CNTNAP2: variants seen among roughly 807,000 people sequenced by gnomAD.
The protein encoded by CNTNAP2 is contactin-associated protein-like 2.
CNTNAP2 carries 98 observed loss-of-function variants against 155.2 expected under a neutral mutation model. That is an observed-to-expected ratio of 0.63 (90% CI 0.54 to 0.75). CNTNAP2 has a LOEUF of 0.75. CNTNAP2 is among the 30% of genes least tolerant of loss of function. The pLI is 0.00. For missense variants in CNTNAP2, 1,727 were observed against 1,688.1 expected (o/e 1.02, Z -0.40); for synonymous variants, 651 against 631.2 (o/e 1.03, Z -0.47).
At chr7:146,411,850 T>TTTTA (rs57711038) in intron 1 of CNTNAP2, among the ~76,000 whole-genome samples, 1 of 148,730 alleles carries the variant, frequency 6.7e-6, no homozygotes, top group African/African-American at 2.6e-5. Context: ...TTATTTATTT[T>TTTTA]ATTTGAGATA....
chr7:146,593,452 G>T (rs368268494), intron 1 of CNTNAP2, among the ~76,000 whole-genome samples: 19 of 152,178 alleles, frequency 1.2e-4, no homozygotes, highest in African/African-American at 4.1e-4. Flanking sequence ...TCTGAGAAAA[G>T]AATCTTAGCC....
intron 11 of CNTNAP2, among the ~76,000 whole-genome samples, chr7:147,530,777 A>G (rs867600207): frequency 6.6e-6 from 1 of 152,134 alleles, no homozygotes; most frequent in Non-Finnish European, 1.5e-5. Context: ...CCTTCCCAAT[A>G]GTCCCCCAAA....
intron 1 of CNTNAP2, among the ~76,000 whole-genome samples, chr7:146,430,841 A>G (rs1796163087): frequency 6.6e-6 from 1 of 152,052 alleles, no homozygotes; most frequent in South Asian, 2.1e-4. Flanking sequence ...AGAGCTTCAT[A>G]TGATCAAGAA....
chr7:147,712,645 CA>C (rs1796416140), intron 13 of CNTNAP2, among the ~76,000 whole-genome samples: 1 of 152,018 alleles, frequency 6.6e-6, no homozygotes, highest in East Asian at 1.9e-4. Context: ...ATCGCAAGGA[CA>C]AAAAACCAAA....
At chr7:147,347,492 G>A (rs1402064654) in intron 9 of CNTNAP2, among the ~76,000 whole-genome samples, 1 of 89,988 alleles carries the variant, frequency 1.1e-5, no homozygotes, top group Non-Finnish European at 2.5e-5. Context: ...ATATATATAT[G>A]CATATATATG....
At chr7:148,179,094 C>A (rs143721193) in intron 18 of CNTNAP2, among the ~76,000 whole-genome samples, 1 of 152,206 alleles carries the variant, frequency 6.6e-6, no homozygotes, top group East Asian at 1.9e-4. Context: ...CCCACCATAT[C>A]GGACTGGTTT....
chr7:147,630,062 A>T (rs1015051349), intron 12 of CNTNAP2, among the ~76,000 whole-genome samples: 1 of 151,362 alleles, frequency 6.6e-6, no homozygotes, highest in African/African-American at 2.4e-5. Flanking sequence ...AACATAATTG[A>T]TAGACCATTA....
chr7:147,362,597 C>G, intron 9 of CNTNAP2, among the ~76,000 whole-genome samples: 1 of 152,154 alleles, frequency 6.6e-6, no homozygotes, highest in Admixed American at 6.5e-5. Flanking sequence ...AGAACTGCCA[C>G]CTCACCTACA....
At chr7:146,941,700 T>A (rs1234116910) in intron 3 of CNTNAP2, among the ~76,000 whole-genome samples, 2 of 152,094 alleles carry the variant, frequency 1.3e-5, no homozygotes, top group Non-Finnish European at 2.9e-5. Context: ...TCCCTCAGCT[T>A]TGTTTGTCTA....
intron 1 of CNTNAP2, among the ~76,000 whole-genome samples, chr7:146,123,050 G>A (rs989982349): frequency 7.2e-5 from 11 of 152,088 alleles, no homozygotes; most frequent in African/African-American, 2.7e-4. Flanking sequence ...TGAAGTAACT[G>A]ATTTTTTATG....
chr7:147,254,087 G>C (rs546915809), intron 8 of CNTNAP2, among the ~76,000 whole-genome samples: 1 of 152,090 alleles, frequency 6.6e-6, no homozygotes, highest in Non-Finnish European at 1.5e-5. Flanking sequence ...GCATTCATGT[G>C]ATTTCTGTGG....
At chr7:148,312,565 G>A (rs1480040952) in intron 21 of CNTNAP2, among the ~76,000 whole-genome samples, 1 of 152,080 alleles carries the variant, frequency 6.6e-6, no homozygotes, top group Admixed American at 6.5e-5. Context: ...GGGTTGTGGA[G>A]GGAAGTATTG....
intron 7 of CNTNAP2, among the ~76,000 whole-genome samples, chr7:147,130,248 TACA>T (rs1801325751): frequency 6.6e-6 from 1 of 150,894 alleles, no homozygotes; most frequent in Non-Finnish European, 1.5e-5. Context: ...ACCATGTCTC[TACA>T]ACAAGTTAAG....
intron 1 of CNTNAP2, among the ~76,000 whole-genome samples, chr7:146,653,646 C>T (rs144898684): frequency 0.014 from 2,134 of 152,166 alleles, 36 homozygotes; most frequent in Middle Eastern, 0.051. Flanking sequence ...GAAAAATGTT[C>T]CAATTCAAAA....
At chr7:146,958,220 T>C (rs10251619) in intron 3 of CNTNAP2, among the ~76,000 whole-genome samples, 10,790 of 152,142 alleles carry the variant, frequency 0.071, 581 homozygotes, top group African/African-American at 0.15. Context: ...TAGAAAATGA[T>C]ATTTGATCTT....
chr7:146,232,678 C>T (rs114969238), intron 1 of CNTNAP2, among the ~76,000 whole-genome samples: 2,143 of 152,244 alleles, frequency 0.014, 47 homozygotes, highest in African/African-American at 0.047. Flanking sequence ...TTCTATCTCT[C>T]TAATAACCCT....
chr7:146,581,496 G>T (rs557678007), intron 1 of CNTNAP2, among the ~76,000 whole-genome samples: 1 of 151,808 alleles, frequency 6.6e-6, no homozygotes, highest in Non-Finnish European at 1.5e-5. Flanking sequence ...TTTTAACTGC[G>T]GATAGAATAT....
chr7:146,249,424 ATAG>A (rs1799721765), intron 1 of CNTNAP2, among the ~76,000 whole-genome samples: 1 of 150,568 alleles, frequency 6.6e-6, no homozygotes, highest in Non-Finnish European at 1.5e-5. Context: ...TCTTCCTGTA[ATAG>A]TAGTCTCAGA....
intron 1 of CNTNAP2, among the ~76,000 whole-genome samples, chr7:146,659,604 C>T (rs1800052916): frequency 6.6e-6 from 1 of 151,958 alleles, no homozygotes; most frequent in African/African-American, 2.4e-5. Context: ...TTTATGATTC[C>T]CAAACCACTC....
Sources: allele counts gnomAD v4.1 joint callset (sites outside exome capture counted in the v4.1 genomes callset), GRCh38; gene constraint gnomAD v4.1.1; transcripts MANE v1.5; gene names NCBI Gene and HGNC (gene_info 2026-07-23, HGNC 2026-07-21).